The following RCBTB2 variants were observed in gnomAD, a reference collection of about 807,000 sequenced individuals.
RCBTB2 encodes RCC1 and BTB domain-containing protein 2.
RCBTB2 carries 55 observed loss-of-function variants against 65.4 expected under a neutral mutation model. That is an observed-to-expected ratio of 0.84 (90% confidence interval 0.68 to 1.05). The LOEUF is 1.05. Among genes scored for constraint, RCBTB2 ranks in the 50% least tolerant of loss-of-function variants. The pLI, the probability that RCBTB2 is intolerant of heterozygous loss-of-function variation, is 0.00. For missense variants in RCBTB2, 599 were observed against 680.1 expected, an observed-to-expected ratio of 0.88 and a Z score of 1.33; for synonymous variants, 220 against 255.2, an observed-to-expected ratio of 0.86 and a Z score of 1.31.
intron 4 of RCBTB2, among the ~76,000 whole-genome samples, chr13:48,518,812 T>C (rs1951250805): frequency 6.6e-6 from 1 of 152,160 alleles, no homozygotes; most frequent in Non-Finnish European, 1.5e-5. Context: ...CGTTAGCTTT[T>C]AGTTAAGCTT....
intron 6 of RCBTB2, among the ~76,000 whole-genome samples, chr13:48,513,902 T>C (rs903305884): frequency 1.3e-5 from 2 of 152,228 alleles, no homozygotes; most frequent in Non-Finnish European, 2.9e-5. Flanking sequence ...ACTGAACCTG[T>C]ATATACTGTT....
chr13:48,504,141 G>A (rs1384021660), intron 10 of RCBTB2: 7 of 984,530 alleles, frequency 7.1e-6, no homozygotes, highest in Non-Finnish European at 7.2e-6. Flanking sequence ...CCACCACTGG[G>A]GGGTCAGGTA....
chr13:48,507,694 G>A (rs1010877925), intron 10 of RCBTB2, among the ~76,000 whole-genome samples: 1 of 152,224 alleles, frequency 6.6e-6, no homozygotes, highest in Non-Finnish European at 1.5e-5. Flanking sequence ...ATCCACAGCA[G>A]GGATTCCCAA....
At chr13:48,527,361 T>TATATATATCATATA in intron 1 of RCBTB2, among the ~76,000 whole-genome samples, 8 of 112,410 alleles carry the variant, frequency 7.1e-5, no homozygotes, top group African/African-American at 1.7e-4. Context: ...TGATATATAT[T>TATATATATCATATA]TATATATGAT....
intron 13 of RCBTB2, among the ~76,000 whole-genome samples, chr13:48,496,842 AG>A (rs1433456025): frequency 3.7e-4 from 21 of 56,878 alleles, no homozygotes; most frequent in African/African-American, 1.3e-3. Context: ...AGAGGAGGAG[AG>A]GGGAGAGGAG....
At chr13:48,518,472 A>AAAAAAAAAATATATATAT (rs1491137365) in intron 4 of RCBTB2, among the ~76,000 whole-genome samples, 1 of 116,620 alleles carries the variant, frequency 8.6e-6, no homozygotes, top group African/African-American at 3.8e-5. Flanking sequence ...AAAAAAAAAA[A>AAAAAAAAAATATATATAT]ATATATATAT....
intron 2 of RCBTB2, among the ~76,000 whole-genome samples, chr13:48,523,487 C>T (rs973841113): frequency 2.6e-5 from 4 of 152,142 alleles, no homozygotes; most frequent in East Asian, 1.9e-4. Flanking sequence ...CAGAGTAAAA[C>T]GCAACGTATT....
At chr13:48,501,719 T>G (rs1227764087) in intron 12 of RCBTB2, 23 bp downstream of exon 12, 2 of 1,594,386 alleles carry the variant, frequency 1.3e-6, no homozygotes, top group Admixed American at 1.7e-5. Context: ...CTTTTCTCAA[T>G]TCTCAAATAA....
At chr13:48,512,242 T>G (rs1028491539) in intron 7 of RCBTB2, 68 bp from the exon 8 acceptor site, 27 of 1,388,738 alleles carry the variant, frequency 1.9e-5, no homozygotes, top group Admixed American at 9.4e-5. Context: ...GACACTGACA[T>G]GTACTTGTGG....
chr13:48,505,775 G>A (rs1284300229), intron 10 of RCBTB2, among the ~76,000 whole-genome samples: 2 of 152,154 alleles, frequency 1.3e-5, no homozygotes, highest in Non-Finnish European at 2.9e-5. Flanking sequence ...AAAAAAAGAT[G>A]AGGGGGAACA....
chr13:48,501,721 C>A, intron 12 of RCBTB2, 21 bp downstream of exon 12: 2 of 1,596,770 alleles, frequency 1.3e-6, no homozygotes, highest in Non-Finnish European at 1.7e-6. Context: ...TTTCTCAATT[C>A]TCAAATAAAT....
chr13:48,531,415 G>A (rs1325492832), intron 1 of RCBTB2, among the ~76,000 whole-genome samples: 1 of 152,184 alleles, frequency 6.6e-6, no homozygotes, highest in South Asian at 2.1e-4. Flanking sequence ...CTACAAAGCC[G>A]AACCAGCAGT....
At chr13:48,503,044 A>T in intron 10 of RCBTB2, 130 bp from the exon 11 acceptor site, 1 of 996,244 alleles carries the variant, frequency 1.0e-6, no homozygotes, top group South Asian at 1.8e-5. Flanking sequence ...AGGAAAAAAC[A>T]AAACAAAACA....
upstream of RCBTB2, chr13:48,533,127 ACGGCC>A (rs1273910628): frequency 2.4e-6 from 1 of 423,276 alleles, no homozygotes; most frequent in Non-Finnish European, 4.8e-6. Context: ...TCCCCCTGAA[ACGGCC>A]CGGCCTCGGC....
At chr13:48,526,711 T>C (rs1399530843) in intron 1 of RCBTB2, among the ~76,000 whole-genome samples, 1 of 150,646 alleles carries the variant, frequency 6.6e-6, no homozygotes, top group Non-Finnish European at 1.5e-5. Flanking sequence ...GGTCAGAAGT[T>C]TGGAGACCAG....
At chr13:48,518,472 A>AAAAAAAATATATATATATATAT (rs1491137365) in intron 4 of RCBTB2, among the ~76,000 whole-genome samples, 1 of 116,618 alleles carries the variant, frequency 8.6e-6, no homozygotes, top group African/African-American at 3.8e-5. Flanking sequence ...AAAAAAAAAA[A>AAAAAAAATATATATATATATAT]ATATATATAT....
At chr13:48,512,622 G>A (rs1340750472) in intron 7 of RCBTB2, 107 bp downstream of exon 7, 2 of 943,456 alleles carry the variant, frequency 2.1e-6, no homozygotes, top group East Asian at 5.0e-5. Context: ...GGCTGAATTT[G>A]AGGGAGGTGG....
At chr13:48,528,306 T>C (rs1253493430) in intron 1 of RCBTB2, among the ~76,000 whole-genome samples, 2 of 152,212 alleles carry the variant, frequency 1.3e-5, no homozygotes, top group East Asian at 3.9e-4. Flanking sequence ...TGAAAAAAAA[T>C]AGCAATTCCT....
intron 14 of RCBTB2, among the ~76,000 whole-genome samples, chr13:48,495,414 T>C (rs1019136236): frequency 6.6e-6 from 1 of 152,204 alleles, no homozygotes; most frequent in Non-Finnish European, 1.5e-5. Flanking sequence ...GTTTTTCACT[T>C]AGTGATATAT....
Sources: gnomAD v4.1 joint callset for allele counts (sites outside exome capture counted in the v4.1 genomes callset) on GRCh38, gnomAD v4.1.1 for gene constraint, MANE v1.5 for transcripts, NCBI Gene and HGNC (gene_info 2026-07-23, HGNC 2026-07-21) for gene names.